The following PI4KA variants were observed in gnomAD, a reference collection of about 807,000 sequenced individuals.
The protein encoded by PI4KA is PI4-kinase alpha.
PI4KA carries 122 observed loss-of-function variants against 271.4 expected under a neutral mutation model. The observed-to-expected ratio is 0.45, with a 90% confidence interval of 0.39 to 0.52. PI4KA has a LOEUF of 0.52. Among genes scored for constraint, PI4KA ranks in the 20% least tolerant of loss-of-function variants. The probability of loss-of-function intolerance (pLI) is 0.00; values close to 1 mark genes in which losing one functional copy is unlikely to be tolerated. For synonymous variants in PI4KA, 1,041 were observed against 1,078.8 expected (o/e 0.96, Z 0.69); for missense variants, 1,969 against 2,769.1 (o/e 0.71, Z 6.48).
chr22:20,844,309 A>G (rs989648266), intron 1 of PI4KA, among the ~76,000 whole-genome samples: 1 of 152,206 alleles, frequency 6.6e-6, no homozygotes, highest in African/African-American at 2.4e-5. Flanking sequence ...GGAGGAAAGA[A>G]AAGAGGTACA....
At position 20,824,343 on chromosome 22, in the gene PI4KA, G is replaced by T. The variant is rs541449532; in HGVS notation, c.439C>A (p.Pro147Thr). The T allele has an allele frequency of 2.5e-6, 4 of 1,611,426 alleles. No homozygotes were observed. In the African/African-American group the frequency reaches 5.3e-5, roughly 22 times the overall value. Residue 147 changes from proline to threonine, a missense_variant, in exon 4 of 55, where the codon CCT becomes ACT. Pro to Thr is a conservative substitution (Grantham distance 38, BLOSUM62 -1). Around this residue, in one of 13 missense-constraint regions of PI4KA, gnomAD observed 540 missense variants for 555.5 expected, o/e 0.97. Coordinates refer to ENST00000255882, the MANE Select transcript of PI4KA (RefSeq NM_058004.4). ...TLLSDVAYRD[P>T]SLRDEILEVL... is the part of the protein sequence containing the mutation. The stretch of plus-strand genomic sequence containing the variant: ...ATGCTTACCTCATCCCTAAGTGAAG[G>T]ATCCCTATAGGCCACATCAGACAGC...
intron 19 of PI4KA, among the ~76,000 whole-genome samples, chr22:20,789,242 G>A (rs1293456527): frequency 6.6e-6 from 1 of 152,120 alleles, no homozygotes; most frequent in Admixed American, 6.6e-5. Context: ...TGTAAAATGG[G>A]GAGACCAGCA....
intron 1 of PI4KA, among the ~76,000 whole-genome samples, chr22:20,847,766 C>CA (rs1217378219): frequency 6.5e-4 from 80 of 122,386 alleles, no homozygotes; most frequent in Middle Eastern, 4.3e-3. Flanking sequence ...AAAAAAAAAA[C>CA]AAAAAAAACC....
At chr22:20,717,436 G>A (rs1158583072) in intron 45 of PI4KA, among the ~76,000 whole-genome samples, 1 of 152,276 alleles carries the variant, frequency 6.6e-6, no homozygotes, top group East Asian at 1.9e-4. Flanking sequence ...TAGAGTAACA[G>A]CTACTGAGGT....
chr22:20,804,870 G>A (rs1180552409), intron 11 of PI4KA, 104 bp downstream of exon 11: 8 of 930,408 alleles, frequency 8.6e-6, no homozygotes, highest in African/African-American at 1.6e-5. Context: ...GCCTGTGCTG[G>A]TAACAGAGCC....
chr22:20,718,592 G>T, intron 44 of PI4KA, 101 bp downstream of exon 44: 2 of 1,346,782 alleles, frequency 1.5e-6, no homozygotes, highest in Non-Finnish European at 1.1e-6. Context: ...CATCTGGTTG[G>T]GGCCAGGCAC....
chr22:20,712,427 G>C, intron 50 of PI4KA, 59 bp downstream of exon 50: 1 of 1,592,270 alleles, frequency 6.3e-7, no homozygotes, highest in African/African-American at 1.3e-5. Context: ...CTGGGTATGG[G>C]TGGCTGGGGT....
At chr22:20,840,651 AG>A (rs1456186639) in intron 1 of PI4KA, among the ~76,000 whole-genome samples, 1 of 152,168 alleles carries the variant, frequency 6.6e-6, no homozygotes, top group Non-Finnish European at 1.5e-5. Context: ...TGTGTTTTGA[AG>A]GAAGAGTTAA....
At chr22:20,820,389 A>C (rs978081068) in intron 5 of PI4KA, 150 bp downstream of exon 5, 2 of 609,658 alleles carry the variant, frequency 3.3e-6, no homozygotes, top group African/African-American at 3.7e-5. Context: ...GTGGCCTCTG[A>C]GGATACTAAC....
At chr22:20,845,092 G>A (rs996162839) in intron 1 of PI4KA, among the ~76,000 whole-genome samples, 15 of 152,144 alleles carry the variant, frequency 9.9e-5, no homozygotes, top group South Asian at 4.1e-4. Context: ...TCAAAAGGTT[G>A]TTAAGTCAAT....
At chr22:20,808,995 T>C (rs955356377) in intron 9 of PI4KA, among the ~76,000 whole-genome samples, 11 of 151,448 alleles carry the variant, frequency 7.3e-5, no homozygotes, top group African/African-American at 2.2e-4. Context: ...ATGTGGAGAG[T>C]GTGAGAGTCA....
chr22:20,743,006 C>A lies in PI4KA; in HGVS notation c.3457-242G>T, dbSNP rs983815680. The A allele has an allele frequency of 7.5e-6, 4 of 533,126 alleles. No homozygotes were observed. In the African/African-American group the frequency reaches 7.6e-5, roughly 10 times the overall value. The allele number at this position is 533,126 out of a possible 1,614,324, so 33.0% of individuals were successfully genotyped here. A position where few individuals can be genotyped will look rare whatever the true frequency, so the allele number is the denominator to read the frequency against. ...TGGCAGTGCCACCACTGCAGATGTT[C>A]CCCAAGGGTGGGAACCTTGTCCCTC... On this transcript the variant is annotated intron_variant, in intron 30 of 54. Coordinates refer to ENST00000255882, the MANE Select transcript of PI4KA (RefSeq NM_058004.4).
chr22:20,744,815 T>G, intron 29 of PI4KA, 95 bp from the exon 30 acceptor site: 1 of 964,978 alleles, frequency 1.0e-6, no homozygotes. Context: ...GCAGTCACAC[T>G]CGGGTCTGGG....
Position 20,712,277 on chromosome 22 carries a change from G to A in PI4KA, c.5802+209C>T, listed in dbSNP as rs571116374. ...TCACCATTTTGGCCAGGATGGTTTT[G>A]ATCTCTTGACCTCGTGATCTGCCCG... is the stretch of plus-strand genomic sequence containing the variant. On this transcript the variant is annotated intron_variant, in intron 50 of 54. Transcript: ENST00000255882. 1.4e-3 allele frequency: 928 copies of A among 647,508 alleles called. 1 individual carries two copies. Among genetic ancestry groups the A allele is most frequent in the South Asian group, 3.5e-3 (51 of 14,758 alleles). The allele number at this position is 647,508 out of a possible 1,614,324, so 40.1% of individuals were successfully genotyped here. A position where few individuals can be genotyped will look rare whatever the true frequency, so the allele number is the denominator to read the frequency against.
At position 20,796,358 on chromosome 22, in the gene PI4KA, A is replaced by AC. The variant is rs770104498; in HGVS notation, c.2109-45dup. The AC allele has an allele frequency of 4.4e-6, 7 of 1,581,754 alleles. No individual in the cohort carries two copies. The African/African-American group carries it at 9.4e-5, about 21-fold the overall frequency. On this transcript the variant is annotated intron_variant, in intron 17 of 54. Transcript: ENST00000255882. ...AATAACAGCCACTGCCAGGCCCTCA[A>AC]CCGTCCCCAAGGGACGGCACTGCAG... is the stretch of plus-strand genomic sequence containing the variant.
intron 19 of PI4KA, chr22:20,785,943 C>T (rs1218104741): frequency 6.2e-7 from 1 of 1,610,556 alleles, no homozygotes; most frequent in Non-Finnish European, 8.5e-7. Flanking sequence ...AAGGGAAAAT[C>T]ATGATTCTTT....
Position 20,858,714 on chromosome 22 carries a change from G to GGCCGCC in PI4KA, c.6_11dup (p.Ala3_Ala4dup). On this transcript the variant is annotated inframe_insertion, in exon 1 of 55. Coordinates refer to ENST00000255882, the MANE Select transcript of PI4KA (RefSeq NM_058004.4). ...CTCCGCCTCCGCCTCCCCGGGCCGG[G>GGCCGCC]GCCGCCGCCATCACCTCACGAGCCG... 6.9e-7 allele frequency: 1 copy of GGCCGCC among 1,447,326 alleles called. No individual in the cohort carries two copies. The highest frequency in any genetic ancestry group is 9.0e-7 in the Non-Finnish European group (1 of 1,105,200). The allele number at this position is 1,447,326 out of a possible 1,614,324, so 89.7% of individuals were successfully genotyped here.
intron 29 of PI4KA, 100 bp downstream of exon 29, chr22:20,747,483 A>T: frequency 2.3e-6 from 3 of 1,283,280 alleles, no homozygotes; most frequent in Non-Finnish European, 3.3e-6. Context: ...GCATGTACTC[A>T]TGTGCGTCAT....
intron 47 of PI4KA, 25 bp from the exon 48 acceptor site, chr22:20,713,415 G>A (rs1219474624): frequency 1.3e-6 from 2 of 1,540,612 alleles, no homozygotes; most frequent in Non-Finnish European, 1.8e-6. Context: ...AGAGGCCGCT[G>A]TTAGCCTGTA....
Sources: allele counts gnomAD v4.1 joint callset (sites outside exome capture counted in the v4.1 genomes callset), GRCh38; gene constraint gnomAD v4.1.1; regional missense constraint gnomAD v4.1.1; transcripts MANE v1.5; gene names NCBI Gene and HGNC (gene_info 2026-07-23, HGNC 2026-07-21).